The following TTLL11 variants were observed in gnomAD, a reference collection of about 807,000 sequenced individuals.
TTLL11 encodes tubulin tyrosine ligase like 11.
Under a neutral mutation model 51.7 loss-of-function variants are expected in TTLL11, and 42 were observed. The ratio of observed to expected loss-of-function variants is 0.81; its 90% confidence interval spans 0.64 to 1.05. The LOEUF is 1.05. TTLL11 is among the 50% of genes least tolerant of loss of function. TTLL11 has a pLI of 0.00. For missense variants in TTLL11, 799 were observed against 940.4 expected, an observed-to-expected ratio of 0.85 and a Z score of 1.97; for synonymous variants, 381 against 383.5, an observed-to-expected ratio of 0.99 and a Z score of 0.08.
intron 6 of TTLL11, among the ~76,000 whole-genome samples, chr9:121,907,640 A>G (rs1031917543): frequency 3.3e-5 from 5 of 152,128 alleles, no homozygotes; most frequent in African/African-American, 1.2e-4. Flanking sequence ...CTGTGTGTCA[A>G]CCCTGCTATC....
intron 3 of TTLL11, among the ~76,000 whole-genome samples, chr9:122,000,047 C>T (rs1312399281): frequency 6.6e-6 from 1 of 152,124 alleles, no homozygotes; most frequent in Non-Finnish European, 1.5e-5. Context: ...GTGTTTGAAC[C>T]AGAGCCACTC....
chr9:121,997,228 G>C (rs543920238), intron 3 of TTLL11, among the ~76,000 whole-genome samples: 1 of 68,474 alleles, frequency 1.5e-5, no homozygotes, highest in Admixed American at 2.0e-4. Flanking sequence ...ACTGAAACCT[G>C]TTTGATAGGA....
intron 6 of TTLL11, among the ~76,000 whole-genome samples, chr9:121,935,622 C>T (rs1841177415): frequency 1.3e-5 from 2 of 152,110 alleles, no homozygotes; most frequent in South Asian, 4.1e-4. Flanking sequence ...GAGAATGAAA[C>T]AGATGGAAGT....
intron 6 of TTLL11, among the ~76,000 whole-genome samples, chr9:121,880,592 C>G (rs1468248847): frequency 3.9e-5 from 6 of 152,186 alleles, no homozygotes; most frequent in Non-Finnish European, 5.9e-5. Context: ...GTAGTTATCA[C>G]ACTCCAATGG....
chr9:121,822,348 T>C lies in TTLL11; in HGVS notation c.*239A>G. 2.7e-6 allele frequency: 1 copy of C among 365,552 alleles called. No homozygotes were observed. Among genetic ancestry groups the C allele is most frequent in the East Asian group, 4.4e-5 (1 of 22,964 alleles). The allele number at this position is 365,552 out of a possible 1,614,324, so 22.6% of individuals were successfully genotyped here. A position where few individuals can be genotyped will look rare whatever the true frequency, so the allele number is the denominator to read the frequency against. Reference sequence around the variant, plus strand: ...CATCTGTCACGTTTTAGATGTCATATGTCCGATGACTGATGACTCAGAAAC... The same window carrying C: ...CATCTGTCACGTTTTAGATGTCATACGTCCGATGACTGATGACTCAGAAAC... On this transcript the variant is annotated 3_prime_UTR_variant, in exon 9 of 9. Coordinates refer to ENST00000321582, the MANE Select transcript of TTLL11 (RefSeq NM_001139442.2). The surrounding 1 kb of genome is among the most constrained non-coding windows in gnomAD (Gnocchi z 5.8).
At chr9:122,026,373 G>A (rs1844338378) in intron 3 of TTLL11, among the ~76,000 whole-genome samples, 1 of 151,540 alleles carries the variant, frequency 6.6e-6, no homozygotes. Context: ...GGGAGGTGGA[G>A]GTTGTAGTGA....
intron 8 of TTLL11, among the ~76,000 whole-genome samples, chr9:121,828,857 TG>T (rs1836905296): frequency 6.6e-6 from 1 of 152,068 alleles, no homozygotes; most frequent in African/African-American, 2.4e-5. Flanking sequence ...CCCAGCACAT[TG>T]GGAGGCTGAG....
chr9:122,032,602 C>T (rs549760963), intron 2 of TTLL11, among the ~76,000 whole-genome samples: 1 of 148,222 alleles, frequency 6.7e-6, no homozygotes, highest in Non-Finnish European at 1.5e-5. Context: ...GAGCCAAGAT[C>T]GAGCCACTGC....
At chr9:121,837,683 C>T (rs1837219901) in intron 8 of TTLL11, among the ~76,000 whole-genome samples, 1 of 152,206 alleles carries the variant, frequency 6.6e-6, no homozygotes, top group African/African-American at 2.4e-5. Flanking sequence ...TATCCTCTCT[C>T]TCTCTGTTCC....
At chr9:121,906,344 TAA>T (rs10573918) in intron 6 of TTLL11, among the ~76,000 whole-genome samples, 6 of 151,534 alleles carry the variant, frequency 4.0e-5, no homozygotes, top group African/African-American at 9.7e-5. Flanking sequence ...TAATAATTTT[TAA>T]AAAAAAAAAA....
chr9:121,839,050 C>T (rs2131352872), intron 8 of TTLL11, among the ~76,000 whole-genome samples: 1 of 152,364 alleles, frequency 6.6e-6, no homozygotes, highest in African/African-American at 2.4e-5. Context: ...TCAGAACACC[C>T]TGAGTCCCAC....
At chr9:122,026,172 C>T (rs1041293319) in intron 3 of TTLL11, among the ~76,000 whole-genome samples, 1 of 152,086 alleles carries the variant, frequency 6.6e-6, no homozygotes, top group African/African-American at 2.4e-5. Context: ...GGCGTGGTGG[C>T]TCATGTCTAT....
chr9:121,929,169 C>T (rs567938729), intron 6 of TTLL11, among the ~76,000 whole-genome samples: 18 of 152,200 alleles, frequency 1.2e-4, no homozygotes, highest in African/African-American at 4.1e-4. Context: ...TGGCCGGGCG[C>T]GGTGGCTTAT....
At chr9:121,834,133 G>C (rs1837108572) in intron 8 of TTLL11, among the ~76,000 whole-genome samples, 2 of 152,222 alleles carry the variant, frequency 1.3e-5, no homozygotes, top group Non-Finnish European at 1.5e-5. Context: ...AGAGCTATCT[G>C]TGAAGGCTGC....
chr9:122,088,000 G>C (rs1846171735), intron 1 of TTLL11, among the ~76,000 whole-genome samples: 1 of 152,174 alleles, frequency 6.6e-6, no homozygotes, highest in African/African-American at 2.4e-5. Context: ...AATTAGACCT[G>C]GCCAGAACGG....
At chr9:122,075,230 C>G (rs12002183) in intron 1 of TTLL11, among the ~76,000 whole-genome samples, 65,095 of 152,046 alleles carry the variant, frequency 0.43, 15,826 homozygotes, top group African/African-American at 0.66. Context: ...AGGAATGGGT[C>G]CCTTTTTCTA....
chr9:122,069,636 G>A (rs1325393762), intron 1 of TTLL11, among the ~76,000 whole-genome samples: 4 of 152,060 alleles, frequency 2.6e-5, no homozygotes, highest in African/African-American at 7.2e-5. Context: ...GAGTGGGATC[G>A]CGCCATTGCA....
chr9:121,884,618 C>T (rs1437854232), intron 6 of TTLL11: 2 of 152,160 alleles, frequency 1.3e-5, no homozygotes, highest in Admixed American at 6.5e-5. Flanking sequence ...AAATGCACCC[C>T]CCTTGCCAGG....
intron 6 of TTLL11, among the ~76,000 whole-genome samples, chr9:121,881,732 A>T (rs937720676): frequency 6.6e-6 from 1 of 152,152 alleles, no homozygotes; most frequent in African/African-American, 2.4e-5. Flanking sequence ...GATCCCACAG[A>T]CCTTTCTCAG....
Sources: allele counts gnomAD v4.1 joint callset (sites outside exome capture counted in the v4.1 genomes callset), GRCh38; gene constraint gnomAD v4.1.1; non-coding constraint Gnocchi (gnomAD v3.1); transcripts MANE v1.5; gene names NCBI Gene and HGNC (gene_info 2026-07-23, HGNC 2026-07-21).